Variants in PHKB observed in about 807,000 individuals in gnomAD.
PHKB encodes the protein phosphorylase kinase regulatory subunit beta.
A neutral mutation model predicts 152.1 loss-of-function variants in PHKB; 122 were observed. The observed-to-expected ratio is 0.80, with a 90% CI of 0.69 to 0.93. The LOEUF (loss-of-function observed/expected upper bound fraction) is 0.93, where lower values mean the gene tolerates loss of function less well. Among genes scored for constraint, PHKB ranks in the 40% least tolerant of loss-of-function variants. PHKB has a pLI of 0.00. For synonymous variants in PHKB, 436 were observed against 464.9 expected, an observed-to-expected ratio of 0.94 and a Z score of 0.80; for missense variants, 1,304 against 1,328.4, an observed-to-expected ratio of 0.98 and a Z score of 0.29.
Position 47,504,507 on chromosome 16 carries a change from A to G in PHKB, c.405+1417A>G, listed in dbSNP as rs1970377429. On this transcript the variant is annotated intron_variant, in intron 4 of 30. Coordinates refer to ENST00000323584, the MANE Select transcript of PHKB (RefSeq NM_000293.3). ...CCTTTCATGATCTGAGTGTCCACAT[A>G]TCAGCCAAGGGGCAACCTTACAAAC... 1.3e-5 allele frequency among the ~76,000 whole-genome samples: 2 copies of G among 152,234 alleles called. 1 individual carries two copies. The highest frequency in any genetic ancestry group is 4.1e-4 in the South Asian group (2 of 4,838).
chr16:47,476,212 A>G (rs1486259613), intron 1 of PHKB, among the ~76,000 whole-genome samples: 2 of 152,150 alleles, frequency 1.3e-5, no homozygotes, highest in Non-Finnish European at 2.9e-5. Context: ...GATTTTATGT[A>G]GTCCACTGGT....
At chr16:47,574,186 C>T (rs1308640906) in intron 7 of PHKB, among the ~76,000 whole-genome samples, 2 of 152,222 alleles carry the variant, frequency 1.3e-5, no homozygotes, top group Non-Finnish European at 2.9e-5. Flanking sequence ...TCCCAAAGTT[C>T]TGGGATTACA....
intron 26 of PHKB, among the ~76,000 whole-genome samples, chr16:47,678,969 A>G (rs1426818920): frequency 6.6e-6 from 1 of 152,202 alleles, no homozygotes; most frequent in African/African-American, 2.4e-5. Flanking sequence ...GAAGGCATCA[A>G]GTTTCAGCTT....
At chr16:47,630,094 T>C (rs1199230375) in intron 14 of PHKB, among the ~76,000 whole-genome samples, 2 of 151,962 alleles carry the variant, frequency 1.3e-5, no homozygotes, top group African/African-American at 2.4e-5. Flanking sequence ...TTAGTGGGTG[T>C]AGCGCACCAG....
At chr16:47,565,612 C>G in intron 7 of PHKB, 2 of 1,071,236 alleles carry the variant, frequency 1.9e-6, no homozygotes, top group Non-Finnish European at 2.9e-6. Flanking sequence ...GCATTTCTGC[C>G]GGATGTGGCA....
intron 27 of PHKB, 24 bp downstream of exon 27, chr16:47,689,199 A>G: frequency 6.2e-7 from 1 of 1,606,970 alleles, no homozygotes; most frequent in Non-Finnish European, 8.5e-7. Context: ...CTTGTTACCT[A>G]CATGATACTC....
intron 20 of PHKB, among the ~76,000 whole-genome samples, chr16:47,656,016 CTT>C (rs887475613): frequency 5.6e-5 from 8 of 143,580 alleles, no homozygotes; most frequent in Admixed American, 7.0e-5. Context: ...AAGAGTTTTA[CTT>C]TTTTTTTTTT....
chr16:47,596,493 T>A lies in PHKB; in HGVS notation c.1325T>A (p.Leu442His). Residue 442 changes from leucine (L) to histidine (H), a missense_variant, in exon 13 of 31, where the codon CTT becomes CAT. Transcript: ENST00000323584. ...SNCGRDGKLF[L>H]WGQALYIIAK... ...TGTGGCCGTGATGGAAAACTGTTTC[T>A]TTGGGGACAAGCACTTTATATCATC... 1.9e-6 allele frequency: 3 copies of A among 1,613,998 alleles called. No individual in the cohort carries two copies. The highest frequency in any genetic ancestry group is 2.5e-6 in the Non-Finnish European group (3 of 1,179,886).
chr16:47,488,639 A>T (rs76308097), intron 1 of PHKB, among the ~76,000 whole-genome samples: 1 of 152,192 alleles, frequency 6.6e-6, no homozygotes, highest in Non-Finnish European at 1.5e-5. Flanking sequence ...AAAGAAAGGG[A>T]TCCAGTTTCA....
chr16:47,548,606 CAAAA>C (rs11333810), intron 7 of PHKB, among the ~76,000 whole-genome samples: 2 of 83,534 alleles, frequency 2.4e-5, no homozygotes. Context: ...GACTCCGTCT[CAAAA>C]AAAAAAAAAA....
chr16:47,632,626 G>A (rs1255942444), intron 14 of PHKB, among the ~76,000 whole-genome samples: 1 of 152,046 alleles, frequency 6.6e-6, no homozygotes, highest in African/African-American at 2.4e-5. Flanking sequence ...GCCCCAAATG[G>A]GAATGACATG....
chr16:47,686,850 A>G (rs1039168831), intron 26 of PHKB, among the ~76,000 whole-genome samples: 66 of 152,208 alleles, frequency 4.3e-4, no homozygotes, highest in Non-Finnish European at 3.1e-4. Context: ...CATTATCTCA[A>G]TAATCCCAAT....
At chr16:47,572,473 A>G (rs1340502900) in intron 7 of PHKB, among the ~76,000 whole-genome samples, 2 of 152,164 alleles carry the variant, frequency 1.3e-5, no homozygotes, top group East Asian at 1.9e-4. Context: ...ATTGGTTACT[A>G]GCATCTATAG....
At chr16:47,651,063 T>C (rs1428401220) in intron 20 of PHKB, 142 bp downstream of exon 20, 3 of 709,064 alleles carry the variant, frequency 4.2e-6, no homozygotes, top group Non-Finnish European at 7.6e-6. Flanking sequence ...ATTGTCACTT[T>C]TCCAGTTTAT....
chr16:47,679,632 T>G (rs1365621305), intron 26 of PHKB, among the ~76,000 whole-genome samples: 1 of 152,256 alleles, frequency 6.6e-6, no homozygotes, highest in Non-Finnish European at 1.5e-5. Flanking sequence ...ATCCTCAGAC[T>G]TTGCTGAAGT....
intron 7 of PHKB, among the ~76,000 whole-genome samples, chr16:47,557,167 A>G (rs1597083234): frequency 6.6e-6 from 1 of 152,176 alleles, no homozygotes; most frequent in Non-Finnish European, 1.5e-5. Flanking sequence ...TGCTGGGAAA[A>G]CTGGCTAGCC....
chr16:47,660,452 A>G (rs1042185386), intron 20 of PHKB, 54 bp from the exon 21 acceptor site: 2 of 1,373,086 alleles, frequency 1.5e-6, no homozygotes, highest in Admixed American at 1.7e-5. Flanking sequence ...ACAGGCCATT[A>G]GAGTATGGCT....
intron 20 of PHKB, among the ~76,000 whole-genome samples, chr16:47,652,335 C>T (rs764164305): frequency 2.7e-5 from 4 of 149,844 alleles, no homozygotes; most frequent in Non-Finnish European, 4.4e-5. Flanking sequence ...AAGCACAGTT[C>T]CCAATAGTTT....
intron 20 of PHKB, among the ~76,000 whole-genome samples, chr16:47,652,437 G>T (rs1973254339): frequency 2.0e-5 from 3 of 146,618 alleles, no homozygotes; most frequent in Admixed American, 1.4e-4. Context: ...TTGAATGGTA[G>T]TTCTGTTTTA....
Sources: gnomAD v4.1 joint callset for allele counts (sites outside exome capture counted in the v4.1 genomes callset) on GRCh38, gnomAD v4.1.1 for gene constraint, MANE v1.5 for transcripts, NCBI Gene and HGNC (gene_info 2026-07-23, HGNC 2026-07-21) for gene names.